TYW1: variants seen among roughly 807,000 people sequenced by gnomAD.
TYW1 encodes tRNA-yW synthesizing protein 1 homolog, also known as S-adenosyl-L-methionine-dependent tRNA 4-demethylwyosine synthase TYW1.
Under a neutral mutation model 96.2 loss-of-function variants are expected in TYW1, and 46 were observed. The ratio of observed to expected loss-of-function variants is 0.48; its 90% CI spans 0.38 to 0.61. The LOEUF (loss-of-function observed/expected upper bound fraction) is 0.61. Among genes scored for constraint, TYW1 ranks in the 20% least tolerant of loss-of-function variants. The pLI is 0.00. For synonymous variants in TYW1, 274 were observed against 323.0 expected, an observed-to-expected ratio of 0.85 and a Z score of 1.63; for missense variants, 684 against 909.6, an observed-to-expected ratio of 0.75 and a Z score of 3.19.
At chr7:66,997,366 T>C (rs895434261) in intron 1 of TYW1, among the ~76,000 whole-genome samples, 2 of 152,146 alleles carry the variant, frequency 1.3e-5, no homozygotes, top group African/African-American at 4.8e-5. Flanking sequence ...GAGAATCTTT[T>C]ACAAGTTTAA....
At chr7:66,997,362 C>G (rs1793207162) in intron 1 of TYW1, among the ~76,000 whole-genome samples, 1 of 151,792 alleles carries the variant, frequency 6.6e-6, no homozygotes, top group Non-Finnish European at 1.5e-5. Flanking sequence ...ACTTGAGAAT[C>G]TTTTACAAGT....
chr7:67,221,244 TTTTC>T (rs1283168349), intron 15 of TYW1, among the ~76,000 whole-genome samples: 1 of 152,238 alleles, frequency 6.6e-6, no homozygotes, highest in Admixed American at 6.5e-5. Context: ...TATGTAATAT[TTTTC>T]TTTGTTTCAT....
chr7:67,182,441 A>G (rs994527216), intron 13 of TYW1, among the ~76,000 whole-genome samples: 6 of 152,256 alleles, frequency 3.9e-5, no homozygotes, highest in African/African-American at 4.8e-5. Context: ...ACGTGTGCCT[A>G]TAGTCCCAGC....
chr7:67,055,475 T>TGTA (rs1795477745), intron 8 of TYW1, among the ~76,000 whole-genome samples: 1 of 151,884 alleles, frequency 6.6e-6, no homozygotes, highest in Non-Finnish European at 1.5e-5. Flanking sequence ...GAAGCACAAC[T>TGTA]GTAGTCCCAA....
intron 13 of TYW1, among the ~76,000 whole-genome samples, chr7:67,140,824 A>T (rs1798427475): frequency 6.6e-6 from 1 of 152,258 alleles, no homozygotes; most frequent in African/African-American, 2.4e-5. Context: ...TATTTATAAT[A>T]GCAGAAGATT....
chr7:67,109,794 C>T (rs1468839272), intron 12 of TYW1, among the ~76,000 whole-genome samples: 2 of 152,262 alleles, frequency 1.3e-5, no homozygotes, highest in African/African-American at 2.4e-5. Context: ...GCAAGAGAAT[C>T]GCTTGAACCC....
intron 10 of TYW1, among the ~76,000 whole-genome samples, chr7:67,076,965 G>T (rs1329067549): frequency 6.6e-6 from 1 of 150,816 alleles, no homozygotes; most frequent in African/African-American, 2.4e-5. Context: ...GTAGAGACGG[G>T]ATTTCACCAA....
chr7:67,086,379 C>T (rs1006298235), intron 11 of TYW1, among the ~76,000 whole-genome samples: 4 of 151,996 alleles, frequency 2.6e-5, no homozygotes, highest in African/African-American at 9.7e-5. Flanking sequence ...TCTTATTTTC[C>T]TTTGGAGAGT....
chr7:67,219,004 G>A (rs887333922), intron 15 of TYW1, among the ~76,000 whole-genome samples: 1 of 152,128 alleles, frequency 6.6e-6, no homozygotes, highest in Non-Finnish European at 1.5e-5. Flanking sequence ...AGCTTTCAGT[G>A]TTTTACTATT....
At chr7:67,134,187 T>C (rs1490914095) in intron 13 of TYW1, among the ~76,000 whole-genome samples, 2 of 152,150 alleles carry the variant, frequency 1.3e-5, no homozygotes, top group Non-Finnish European at 2.9e-5. Flanking sequence ...CATCCTAGTA[T>C]TCAGGTTCCC....
At chr7:67,121,956 C>G (rs987799784) in intron 13 of TYW1, among the ~76,000 whole-genome samples, 1 of 139,930 alleles carries the variant, frequency 7.1e-6, no homozygotes, top group African/African-American at 2.9e-5. Flanking sequence ...AATGTGTTAA[C>G]TTCAATTTCT....
At chr7:67,095,003 AT>A (rs71049498) in intron 11 of TYW1, among the ~76,000 whole-genome samples, 118 of 145,398 alleles carry the variant, frequency 8.1e-4, no homozygotes, top group Non-Finnish European at 6.8e-4. Context: ...AAACTGCATG[AT>A]TTTTTTTTTT....
chr7:67,161,087 G>A (rs925768038), intron 13 of TYW1, among the ~76,000 whole-genome samples: 22 of 152,116 alleles, frequency 1.4e-4, no homozygotes, highest in African/African-American at 5.1e-4. Context: ...ATATTGGTTA[G>A]TTTTTCTCTC....
intron 15 of TYW1, among the ~76,000 whole-genome samples, chr7:67,207,324 A>G (rs1800837661): frequency 6.6e-6 from 1 of 152,194 alleles, no homozygotes; most frequent in Non-Finnish European, 1.5e-5. Context: ...TTCTGGAATC[A>G]GAAACTTTGT....
chr7:67,185,075 C>T (rs183271667), intron 14 of TYW1, among the ~76,000 whole-genome samples: 1 of 152,110 alleles, frequency 6.6e-6, no homozygotes, highest in Admixed American at 6.5e-5. Context: ...GCGTTCCAGG[C>T]AGGTGGTGCT....
rs183010285 is a variant in TYW1 at position 67,078,524 on chromosome 7, A to G, written c.1275-4906A>G. Among the ~76,000 whole-genome samples, 663 of 152,174 alleles carry G rather than the reference A, an allele frequency of 4.4e-3. 1 individual carries two copies. Among genetic ancestry groups the G allele is most frequent in the Middle Eastern group, 0.01 (3 of 294 alleles). On this transcript the variant is annotated intron_variant, in intron 10 of 15. Coordinates refer to ENST00000359626, the MANE Select transcript of TYW1 (RefSeq NM_018264.4). ...GAATTGTTTTCTATTTCTGTGAAAAATGTCTTTGGTGGTTTGATAGGGATT... is the reference window on the plus strand; with the variant it reads ...GAATTGTTTTCTATTTCTGTGAAAAGTGTCTTTGGTGGTTTGATAGGGATT...
At chr7:67,040,843 CAA>C (rs112135929) in intron 7 of TYW1, among the ~76,000 whole-genome samples, 1 of 139,300 alleles carries the variant, frequency 7.2e-6, no homozygotes. Flanking sequence ...GACCCTATCT[CAA>C]AAAAAAAAAG....
chr7:67,077,767 T>C (rs1033951846), intron 10 of TYW1, among the ~76,000 whole-genome samples: 10 of 152,248 alleles, frequency 6.6e-5, no homozygotes, highest in African/African-American at 2.4e-4. Flanking sequence ...TTTATTTGTT[T>C]TTACTTTTGT....
chr7:67,014,706 A>G, intron 5 of TYW1, 145 bp downstream of exon 5: 1 of 963,060 alleles, frequency 1.0e-6, no homozygotes, highest in Non-Finnish European at 1.5e-6. Context: ...GGTAGCTAGT[A>G]ATAAATACAT....
Sources: gnomAD v4.1 joint callset for allele counts (sites outside exome capture counted in the v4.1 genomes callset) on GRCh38, gnomAD v4.1.1 for gene constraint, MANE v1.5 for transcripts, NCBI Gene and HGNC (gene_info 2026-07-23, HGNC 2026-07-21) for gene names.